Variants in DOCK2 observed in about 807,000 individuals in gnomAD.
DOCK2 encodes the protein dedicator of cytokinesis 2, also known as dedicator of cytokinesis protein 2.
A neutral mutation model predicts 248.9 loss-of-function variants in DOCK2; 87 were observed. That is an observed-to-expected ratio of 0.35 (90% CI 0.29 to 0.42). The LOEUF is 0.42. DOCK2 is among the 10% of genes least tolerant of loss of function. The pLI is 1.00. For synonymous variants in DOCK2, 805 were observed against 821.6 expected (o/e 0.98, Z 0.35); for missense variants, 1,747 against 2,300.2 (o/e 0.76, Z 4.92).
chr5:169,885,675 TACTA>T (rs1772930426), intron 27 of DOCK2, among the ~76,000 whole-genome samples: 1 of 152,180 alleles, frequency 6.6e-6, no homozygotes, highest in African/African-American at 2.4e-5. Flanking sequence ...ATTTACTGAG[TACTA>T]ACTAATGTGA....
chr5:169,880,082 G>A (rs1013168026), intron 27 of DOCK2, among the ~76,000 whole-genome samples: 1 of 152,190 alleles, frequency 6.6e-6, no homozygotes, highest in Non-Finnish European at 1.5e-5. Context: ...AAAAAAAGAA[G>A]CAGCAAAAAG....
chr5:169,872,288 G>T (rs759189755), intron 27 of DOCK2, among the ~76,000 whole-genome samples: 3 of 152,136 alleles, frequency 2.0e-5, no homozygotes, highest in Non-Finnish European at 4.4e-5. Context: ...TTTGGTTCTC[G>T]TCCATTTGGA....
chr5:169,939,817 C>T (rs1160728372), intron 27 of DOCK2, among the ~76,000 whole-genome samples: 6 of 152,104 alleles, frequency 3.9e-5, no homozygotes, highest in Non-Finnish European at 5.9e-5. Flanking sequence ...AAAAGTCAAC[C>T]TAGAGTTAGC....
At chr5:170,069,291 CGCTAGGCTCTA>C (rs1757601208) in intron 46 of DOCK2, 71 bp downstream of exon 46, 1 of 1,516,914 alleles carries the variant, frequency 6.6e-7, no homozygotes, top group African/African-American at 1.4e-5. Context: ...ACTTGCCCCA[CGCTAGGCTCTA>C]GCTGAGGCAG....
chr5:169,833,164 A>G (rs1291521090), intron 26 of DOCK2, among the ~76,000 whole-genome samples: 2 of 152,206 alleles, frequency 1.3e-5, no homozygotes, highest in Non-Finnish European at 2.9e-5. Flanking sequence ...CACTGTCACT[A>G]TTTTTGAAAC....
In DOCK2 at chr5:170,067,590, C is replaced by T. The variant is rs745649446; in HGVS notation, c.4548C>T (p.Tyr1516=). 8 of 1,614,134 alleles carry T rather than the reference C, an allele frequency of 5.0e-6. No individual in the cohort carries two copies. In the Admixed American group the frequency reaches 8.3e-5, roughly 17 times the overall value. ...AGATCCTGATGATGATAAACCAGTA[C>T]CAGAGTGATGAGACCCTCCCCATCA... is the stretch of plus-strand genomic sequence containing the variant. ...NEKILMMINQ[Y]QSDETLPINP... is the part of the protein sequence containing the mutation. The change falls in exon 45 of 52, where the codon TAC becomes TAT. Residue 1516 remains tyrosine, a synonymous_variant. Transcript: ENST00000520908.
chr5:169,773,565 T>G (rs1185558769), intron 25 of DOCK2, among the ~76,000 whole-genome samples: 1 of 152,200 alleles, frequency 6.6e-6, no homozygotes, highest in Non-Finnish European at 1.5e-5. Flanking sequence ...TTTGGAATGA[T>G]TCTTTGCATT....
At chr5:169,828,307 A>C (rs1282682824) in intron 26 of DOCK2, among the ~76,000 whole-genome samples, 1 of 152,132 alleles carries the variant, frequency 6.6e-6, no homozygotes. Context: ...AGTTTTTCTA[A>C]AGTTTCTGGT....
intron 32 of DOCK2, 61 bp from the exon 33 acceptor site, chr5:170,018,899 C>T (rs1486643678): frequency 5.7e-6 from 9 of 1,575,648 alleles, no homozygotes; most frequent in Admixed American, 3.6e-5. Context: ...CAGGCTTGGT[C>T]GGAGGAGGAC....
chr5:169,926,355 T>C lies in DOCK2; in HGVS notation c.2800-56713T>C, dbSNP rs146951106. On this transcript the variant is annotated intron_variant, in intron 27 of 51. Coordinates refer to ENST00000520908, the MANE Select transcript of DOCK2 (RefSeq NM_004946.3). ...TTACTTTTGATGAATGTCTGAAAAA[T>C]GAACTTCTTATCCTCTACCTTTTTC... is the stretch of plus-strand genomic sequence containing the variant. 2.0e-4 allele frequency among the ~76,000 whole-genome samples: 30 copies of C among 152,294 alleles called. 1 individual carries two copies. In the East Asian group the frequency reaches 5.8e-3, roughly 29 times the overall value.
intron 27 of DOCK2, among the ~76,000 whole-genome samples, chr5:169,972,629 T>TA (rs200176755): frequency 5.3e-5 from 8 of 151,036 alleles, no homozygotes; most frequent in African/African-American, 1.5e-4. Flanking sequence ...GATAGATAGA[T>TA]GATAGGTGGA....
At chr5:169,685,449 G>T (rs894908575) in intron 8 of DOCK2, among the ~76,000 whole-genome samples, 1 of 152,158 alleles carries the variant, frequency 6.6e-6, no homozygotes, top group African/African-American at 2.4e-5. Flanking sequence ...CTCCATTGGG[G>T]TTTTAGCCCA....
rs563726574 is a variant in DOCK2, at chr5:169,671,126, G to A, written c.273G>A (p.Val91=). The change falls in exon 5 of 52, where the codon GTG becomes GTA. Residue 91 remains valine, a synonymous_variant. Transcript: ENST00000520908. ...CAGAAATTCCTCTGGCACAAGAAGT[G>A]ACAACGACACTTTGGGAATGGGGAA... is the stretch of plus-strand genomic sequence containing the variant. ...IPAEIPLAQE[V]TTTLWEWGSI... The A allele has an allele frequency of 1.2e-6, 2 of 1,614,030 alleles. No homozygotes were observed. Among genetic ancestry groups the A allele is most frequent in the Admixed American group, 3.3e-5 (2 of 60,000 alleles).
rs564735087 is a variant in DOCK2, at chr5:169,912,196, G to T, written c.2800-70872G>T. Among the ~76,000 whole-genome samples, 4 of 152,156 alleles carry T rather than the reference G, an allele frequency of 2.6e-5. 1 individual carries two copies. In the South Asian group the frequency reaches 8.3e-4, roughly 32 times the overall value. ...CTTTCTTCTTTTGTTTTGTCTTTCA[G>T]TTATAGGCCAGGCTTTTATTTATTT... On this transcript the variant is annotated intron_variant, in intron 27 of 51. Coordinates refer to ENST00000520908, the MANE Select transcript of DOCK2 (RefSeq NM_004946.3).
chr5:169,839,104 T>G (rs1769781418), intron 26 of DOCK2, among the ~76,000 whole-genome samples: 2 of 152,204 alleles, frequency 1.3e-5, no homozygotes, highest in African/African-American at 4.8e-5. Flanking sequence ...TCAGCCACTA[T>G]CGATTTAGCA....
chr5:169,837,859 A>G (rs1769686295), intron 26 of DOCK2, among the ~76,000 whole-genome samples: 1 of 152,126 alleles, frequency 6.6e-6, no homozygotes, highest in African/African-American at 2.4e-5. Context: ...CTACTTTTAA[A>G]TACCAAACTT....
At chr5:169,922,036 C>T (rs566429760) in intron 27 of DOCK2, among the ~76,000 whole-genome samples, 3 of 152,186 alleles carry the variant, frequency 2.0e-5, no homozygotes, top group Non-Finnish European at 4.4e-5. Flanking sequence ...AAGAGCTTTT[C>T]CATGACTCAA....
At chr5:169,707,754 A>G (rs967127222) in intron 14 of DOCK2, among the ~76,000 whole-genome samples, 2 of 152,202 alleles carry the variant, frequency 1.3e-5, no homozygotes, top group Non-Finnish European at 2.9e-5. Context: ...TGTTAGCTGT[A>G]GAAATTCATC....
chr5:169,644,758 A>G (rs547666800), intron 1 of DOCK2, among the ~76,000 whole-genome samples: 2 of 151,760 alleles, frequency 1.3e-5, no homozygotes, highest in Admixed American at 6.6e-5. Context: ...CCCCATATGC[A>G]TTAGCTATTT....
Sources: gnomAD v4.1 joint callset for allele counts (sites outside exome capture counted in the v4.1 genomes callset) on GRCh38, gnomAD v4.1.1 for gene constraint, MANE v1.5 for transcripts, NCBI Gene and HGNC (gene_info 2026-07-23, HGNC 2026-07-21) for gene names.